The following SLC24A4 variants were observed in gnomAD, a reference collection of about 807,000 sequenced individuals.
SLC24A4 encodes the protein solute carrier family 24 member 4, also known as sodium/potassium/calcium exchanger 4.
SLC24A4 carries 53 observed loss-of-function variants against 79.0 expected under a neutral mutation model. That is an observed-to-expected ratio of 0.67 (90% CI 0.54 to 0.84). The LOEUF (loss-of-function observed/expected upper bound fraction) is 0.84. Ranked by LOEUF, SLC24A4 falls within the 40% of genes least tolerant of loss-of-function variation. The probability of loss-of-function intolerance (pLI) is 0.00; values close to 1 mark genes in which losing one functional copy is unlikely to be tolerated. For missense variants in SLC24A4, 731 were observed against 822.0 expected (o/e 0.89, Z 1.35); for synonymous variants, 323 against 323.8 (o/e 1.00, Z 0.03).
At chr14:92,335,549 G>C (rs1885738992) in intron 2 of SLC24A4, among the ~76,000 whole-genome samples, 1 of 150,574 alleles carries the variant, frequency 6.6e-6, no homozygotes, top group Non-Finnish European at 1.5e-5. Context: ...TTTAAGTAGA[G>C]ATGGGGTTTC....
chr14:92,427,219 G>A (rs1891611821), intron 2 of SLC24A4, among the ~76,000 whole-genome samples: 1 of 152,210 alleles, frequency 6.6e-6, no homozygotes, highest in Admixed American at 6.5e-5. Flanking sequence ...AGGTCACACT[G>A]GGGGCTCCTG....
chr14:92,364,237 A>G (rs1887696485), intron 2 of SLC24A4, among the ~76,000 whole-genome samples: 1 of 152,202 alleles, frequency 6.6e-6, no homozygotes, highest in Admixed American at 6.5e-5. Context: ...CTCACCACCC[A>G]GCCAGTAGCT....
intron 2 of SLC24A4, among the ~76,000 whole-genome samples, chr14:92,339,273 G>A (rs1345564406): frequency 6.6e-6 from 1 of 152,174 alleles, no homozygotes; most frequent in Non-Finnish European, 1.5e-5. Context: ...AAGTAGAGGA[G>A]GGTTGAGTTA....
intron 2 of SLC24A4, among the ~76,000 whole-genome samples, chr14:92,371,193 C>T (rs2010747): frequency 0.77 from 117,378 of 152,222 alleles, 48,810 homozygotes; most frequent in East Asian, 0.94. Context: ...TAAACGGCTC[C>T]GACACAGAAA....
intron 12 of SLC24A4, among the ~76,000 whole-genome samples, chr14:92,472,120 G>C (rs192738443): frequency 8.5e-5 from 13 of 152,264 alleles, no homozygotes; most frequent in African/African-American, 3.1e-4. Context: ...GCCCTACTCT[G>C]AACTGCTTCC....
chr14:92,366,397 C>T (rs1447912974), intron 2 of SLC24A4, among the ~76,000 whole-genome samples: 2 of 152,172 alleles, frequency 1.3e-5, no homozygotes, highest in Admixed American at 1.3e-4. Context: ...CTCTGGTCCC[C>T]GGCCAGAGGG....
intron 2 of SLC24A4, among the ~76,000 whole-genome samples, chr14:92,407,672 C>T (rs1470282076): frequency 2.0e-5 from 3 of 150,940 alleles, no homozygotes; most frequent in African/African-American, 7.4e-5. Context: ...GTTCCACAGA[C>T]TTTCAAATGA....
rs139195685 is a variant in SLC24A4 at position 92,409,531 on chromosome 14, A to G, written c.242-24381A>G. On this transcript the variant is annotated intron_variant, in intron 2 of 16. Coordinates refer to ENST00000532405, the MANE Select transcript of SLC24A4 (RefSeq NM_153646.4). ...TTGAAGGATAACATACCTATGGGAA[A>G]GAACACAGTACATTTTCACAAAGTG... is the stretch of plus-strand genomic sequence containing the variant. Among the ~76,000 whole-genome samples, 1,264 of 152,340 alleles carry G rather than the reference A, an allele frequency of 8.3e-3. 19 individuals carry two copies. Among genetic ancestry groups the G allele is most frequent in the African/African-American group, 0.029 (1,196 of 41,568 alleles).
chr14:92,476,352 T>C (rs1894763064), intron 12 of SLC24A4, among the ~76,000 whole-genome samples: 1 of 152,196 alleles, frequency 6.6e-6, no homozygotes, highest in African/African-American at 2.4e-5. Flanking sequence ...GACTACAAGC[T>C]ACAGAAAGGT....
At chr14:92,478,463 T>C (rs1415370958) in intron 12 of SLC24A4, among the ~76,000 whole-genome samples, 1 of 152,234 alleles carries the variant, frequency 6.6e-6, no homozygotes, top group Non-Finnish European at 1.5e-5. Context: ...CCTGGGTTTA[T>C]TTCTGGACTC....
intron 2 of SLC24A4, among the ~76,000 whole-genome samples, chr14:92,408,058 C>T (rs1469343828): frequency 6.9e-6 from 1 of 145,300 alleles, no homozygotes; most frequent in African/African-American, 2.6e-5. Context: ...TATTTTTTGG[C>T]CAGGTGTGTT....
Position 92,323,885 on chromosome 14 carries a change from C to G in SLC24A4, c.55C>G (p.Leu19Val). 5.0e-6 allele frequency: 8 copies of G among 1,606,386 alleles called. No individual in the cohort carries two copies. Among genetic ancestry groups the G allele is most frequent in the East Asian group, 2.2e-5 (1 of 44,812 alleles). Residue 19 changes from leucine (L) to valine (V), a missense_variant, in exon 1 of 17, where the codon CTG (leucine) becomes GTG (valine). Transcript: ENST00000532405. The surrounding 1 kb of genome is among the most constrained non-coding windows in gnomAD (Gnocchi z 4.9). The part of the protein sequence containing the change: ...PLKVRRRREM[L>V]PQQVGFVCAV... The stretch of plus-strand genomic sequence containing the variant: ...CAAAGTTCGCAGGAGGCGAGAGATG[C>G]TGCCGCAGCAAGTCGGCTTCGTGTG...
chr14:92,365,275 G>A (rs1887763372), intron 2 of SLC24A4, among the ~76,000 whole-genome samples: 1 of 152,254 alleles, frequency 6.6e-6, no homozygotes, highest in African/African-American at 2.4e-5. Context: ...ACCTCACCAG[G>A]CGATTGGAGC....
chr14:92,449,193 C>G lies in SLC24A4; in HGVS notation c.857C>G (p.Pro286Arg), dbSNP rs1238411774. 2 of 1,614,048 alleles carry G rather than the reference C, an allele frequency of 1.2e-6. No homozygotes were observed. Among genetic ancestry groups the G allele is most frequent in the Non-Finnish European group, 1.7e-6 (2 of 1,180,034 alleles). ...NDFYDGSYDD[P>R]SVPLLGQVKE... The stretch of plus-strand genomic sequence containing the variant: ...TTCTATGACGGTAGCTATGATGACC[C>G]TTCCGTGCCATTGCTGGGGCAAGGT... The change falls in exon 10 of 17, where the codon CCT (proline) becomes CGT (arginine). Residue 286 changes from proline to arginine, a missense_variant. By Grantham distance (103) the Pro-to-Arg change is moderately radical. Transcript: ENST00000532405.
chr14:92,401,738 G>A (rs1890124508), intron 2 of SLC24A4, among the ~76,000 whole-genome samples: 1 of 152,152 alleles, frequency 6.6e-6, no homozygotes, highest in Non-Finnish European at 1.5e-5. Flanking sequence ...ATGAGTTGCT[G>A]CTGTTTCCGC....
intron 12 of SLC24A4, among the ~76,000 whole-genome samples, chr14:92,473,580 G>A (rs1367245548): frequency 1.3e-5 from 2 of 152,182 alleles, no homozygotes; most frequent in Non-Finnish European, 2.9e-5. Context: ...GTTTCAGCAG[G>A]AAAGGGGACT....
chr14:92,392,647 G>T (rs1393250998), intron 2 of SLC24A4, among the ~76,000 whole-genome samples: 1 of 152,216 alleles, frequency 6.6e-6, no homozygotes, highest in Non-Finnish European at 1.5e-5. Flanking sequence ...CCTTGCTATG[G>T]TCTGAATGTT....
intron 12 of SLC24A4, among the ~76,000 whole-genome samples, chr14:92,467,132 T>G (rs1375797090): frequency 6.6e-6 from 1 of 152,212 alleles, no homozygotes; most frequent in Non-Finnish European, 1.5e-5. Context: ...GCTCTGCCAC[T>G]AATCTTATGT....
intron 2 of SLC24A4, among the ~76,000 whole-genome samples, chr14:92,354,173 T>TC (rs1413619484): frequency 6.6e-6 from 1 of 151,800 alleles, no homozygotes; most frequent in African/African-American, 2.4e-5. Context: ...GACTACTTTT[T>TC]TTTTTTTTTT....
Sources: gnomAD v4.1 joint callset for allele counts (sites outside exome capture counted in the v4.1 genomes callset) on GRCh38, gnomAD v4.1.1 for gene constraint, Gnocchi (gnomAD v3.1) non-coding constraint, MANE v1.5 for transcripts, NCBI Gene and HGNC (gene_info 2026-07-23, HGNC 2026-07-21) for gene names.